IQCH: variants seen among roughly 807,000 people sequenced by gnomAD.
IQCH encodes the protein IQ motif containing H, also known as IQ domain-containing protein H.
A neutral mutation model predicts 117.0 loss-of-function variants in IQCH; 98 were observed. The ratio of observed to expected loss-of-function variants is 0.84; its 90% CI spans 0.71 to 0.99. The LOEUF (loss-of-function observed/expected upper bound fraction) is 0.99. IQCH is among the 50% of genes least tolerant of loss of function. IQCH has a pLI of 0.00. For missense variants in IQCH, 1,102 were observed against 1,243.8 expected, an observed-to-expected ratio of 0.89 and a Z score of 1.72; for synonymous variants, 412 against 448.2, an observed-to-expected ratio of 0.92 and a Z score of 1.02.
chr15:67,350,521 G>T (rs193222292), intron 6 of IQCH, among the ~76,000 whole-genome samples: 178 of 152,232 alleles, frequency 1.2e-3, no homozygotes, highest in African/African-American at 3.9e-3. Flanking sequence ...CCGCCTCCCA[G>T]GTTCAAGCAA....
In IQCH at chr15:67,501,607, A is replaced by G. The variant is rs1365139373; in HGVS notation, c.*861A>G. 3 of 152,224 alleles carry G rather than the reference A, an allele frequency of 2.0e-5. No homozygotes were observed. Among genetic ancestry groups the G allele is most frequent in the African/African-American group, 7.2e-5 (3 of 41,466 alleles). 9.4% of individuals were successfully genotyped at this position (152,224 alleles called of 1,614,324 possible). The stretch of plus-strand genomic sequence containing the variant: ...AAATATTTCCACATCAGTGAGCTTT[A>G]CTGAAGGGTGAAATAAAAGCAAATT... On this transcript the variant is annotated 3_prime_UTR_variant, in exon 21 of 21. Coordinates refer to ENST00000335894, the MANE Select transcript of IQCH (RefSeq NM_001031715.3). This position sits in a 1 kb window ranked among gnomAD's most constrained non-coding sequence, Gnocchi z 5.2.
chr15:67,421,638 C>T, intron 16 of IQCH, 61 bp downstream of exon 16: 1 of 1,527,208 alleles, frequency 6.5e-7, no homozygotes, highest in Non-Finnish European at 9.0e-7. Context: ...ACCCTACACA[C>T]CTACAGTACA....
Position 67,385,303 on chromosome 15 carries a change from G to A in IQCH, c.1456+284G>A, listed in dbSNP as rs545739589. Among the ~76,000 whole-genome samples, 2 of 152,158 alleles carry A rather than the reference G, an allele frequency of 1.3e-5. No homozygotes were observed. Among genetic ancestry groups the A allele is most frequent in the South Asian group, 2.1e-4 (1 of 4,824 alleles). ...GATCAGAATTTCTCTCCTATAAACC[G>A]AAATCTTTATTTACTGAATCTTACA... On this transcript the variant is annotated intron_variant, in intron 11 of 20. Transcript: ENST00000335894. This position sits in a 1 kb window ranked among gnomAD's most constrained non-coding sequence, Gnocchi z 4.6.
rs574910729 is a variant in IQCH, at chr15:67,478,796, C to T, written c.2799+2978C>T. Among the ~76,000 whole-genome samples, 19 of 151,878 alleles carry T rather than the reference C, an allele frequency of 1.3e-4. 1 individual carries two copies. In the South Asian group the frequency reaches 1.9e-3, roughly 15 times the overall value. On this transcript the variant is annotated intron_variant, in intron 18 of 20. Coordinates refer to ENST00000335894, the MANE Select transcript of IQCH (RefSeq NM_001031715.3). The stretch of plus-strand genomic sequence containing the variant: ...AAAATTAGCTGGGTGTGTTGGCAGG[C>T]GCCTGTAATCCTAGCTACTCGGGAG...
intron 4 of IQCH, chr15:67,281,611 TC>T (rs1966360466): frequency 9.0e-6 from 4 of 445,016 alleles, no homozygotes; most frequent in Non-Finnish European, 1.8e-5. Context: ...GGTATCAGAC[TC>T]AATCTCTCCC....
In IQCH at chr15:67,292,296, G is replaced by A. The variant is rs559642786; in HGVS notation, c.387+12784G>A. On this transcript the variant is annotated intron_variant, in intron 4 of 20. Transcript: ENST00000335894. ...GACAGGGTATTGCTCTGTTGCCCTGGCTAGAATGCAGTATACAATCATGGC... is the reference window on the plus strand; with the variant it reads ...GACAGGGTATTGCTCTGTTGCCCTGACTAGAATGCAGTATACAATCATGGC... Among the ~76,000 whole-genome samples the A allele has an allele frequency of 2.0e-5, 3 of 152,188 alleles. No individual in the cohort carries two copies. In the East Asian group the frequency reaches 5.8e-4, roughly 29 times the overall value.
Position 67,382,700 on chromosome 15 carries a change from C to T in IQCH, c.1373-2236C>T, listed in dbSNP as rs1031321243. On this transcript the variant is annotated intron_variant, in intron 10 of 20. Coordinates refer to ENST00000335894, the MANE Select transcript of IQCH (RefSeq NM_001031715.3). ...GGTTTATGTGACCTTGGACAAGAGA[C>T]AAGACACTTACCTTGAGTTTCCTTA... is the stretch of plus-strand genomic sequence containing the variant. 2.0e-5 allele frequency among the ~76,000 whole-genome samples: 3 copies of T among 152,208 alleles called. No homozygotes were observed. The South Asian group carries it at 6.2e-4, about 31-fold the overall frequency.
intron 4 of IQCH, among the ~76,000 whole-genome samples, chr15:67,333,890 CTACAAAAAA>C (rs1968778295): frequency 3.9e-5 from 6 of 151,976 alleles, no homozygotes; most frequent in Admixed American, 3.3e-4. Context: ...AACCCTGTCT[CTACAAAAAA>C]TACAAAAAAT....
intron 4 of IQCH, among the ~76,000 whole-genome samples, chr15:67,303,917 G>A (rs1004532201): frequency 1.3e-5 from 2 of 152,130 alleles, no homozygotes; most frequent in Non-Finnish European, 2.9e-5. Context: ...ACCTGTAAAT[G>A]TCCCTAGAGG....
chr15:67,306,846 G>T, intron 4 of IQCH: 10 of 1,533,712 alleles, frequency 6.5e-6, no homozygotes, highest in Non-Finnish European at 8.7e-6. Context: ...AAGGTATGTG[G>T]AAACAAGAAG....
rs1346752513 is a variant in IQCH, at chr15:67,436,199, G to A, written c.2505+14622G>A. 1.3e-5 allele frequency among the ~76,000 whole-genome samples: 2 copies of A among 152,038 alleles called. No individual in the cohort carries two copies. Among genetic ancestry groups the A allele is most frequent in the African/African-American group, 4.8e-5 (2 of 41,390 alleles). On this transcript the variant is annotated intron_variant, in intron 16 of 20. Transcript: ENST00000335894. The surrounding 1 kb of genome is among the most constrained non-coding windows in gnomAD (Gnocchi z 5.1). ...TTATCGAGACCCACTGAAGGAAGCC[G>A]ACTGCTCCTGCAGGACCCAGGAGAC...
intron 4 of IQCH, among the ~76,000 whole-genome samples, chr15:67,324,095 C>A (rs188489354): frequency 6.6e-6 from 1 of 151,478 alleles, no homozygotes; most frequent in Admixed American, 6.6e-5. Flanking sequence ...AGGTACCCAC[C>A]ACCAGGCCTG....
At chr15:67,378,494 A>C (rs750362774) in intron 10 of IQCH, among the ~76,000 whole-genome samples, 10 of 149,580 alleles carry the variant, frequency 6.7e-5, no homozygotes, top group Non-Finnish European at 1.2e-4. Context: ...AAGACTTCCC[A>C]GACAGCATTT....
In IQCH at chr15:67,376,055, G is replaced by A. The variant is rs1236333796; in HGVS notation, c.1372+2622G>A. 6.6e-6 allele frequency among the ~76,000 whole-genome samples: 1 copy of A among 152,034 alleles called. No individual in the cohort carries two copies. The highest frequency in any genetic ancestry group is 1.5e-5 in the Non-Finnish European group (1 of 67,992). On this transcript the variant is annotated intron_variant, in intron 10 of 20. Coordinates refer to ENST00000335894, the MANE Select transcript of IQCH (RefSeq NM_001031715.3). The surrounding 1 kb of genome is among the most constrained non-coding windows in gnomAD (Gnocchi z 5.0). ...ACCAGCCTCGGCCTCCCAAAGTGCT[G>A]GGATTATAGGTGTGAGCCACCGCAT...
intron 18 of IQCH, among the ~76,000 whole-genome samples, chr15:67,487,891 G>GGACA (rs1448506915): frequency 6.6e-6 from 1 of 151,792 alleles, no homozygotes; most frequent in Non-Finnish European, 1.5e-5. Flanking sequence ...TTCCACTGTT[G>GGACA]GACAACTCCA....
chr15:67,422,047 C>T lies in IQCH; in HGVS notation c.2505+470C>T, dbSNP rs533305943. ...CCGGGAGGCAGAGGTTGCAATGAGC[C>T]GAGATCATGCTACTACACTCCAGCC... On this transcript the variant is annotated intron_variant, in intron 16 of 20. Coordinates refer to ENST00000335894, the MANE Select transcript of IQCH (RefSeq NM_001031715.3). This position sits in a 1 kb window ranked among gnomAD's most constrained non-coding sequence, Gnocchi z 4.7. 1.4e-4 allele frequency among the ~76,000 whole-genome samples: 21 copies of T among 151,144 alleles called. No individual in the cohort carries two copies. Among genetic ancestry groups the T allele is most frequent in the Middle Eastern group, 3.4e-3 (1 of 294 alleles).
intron 14 of IQCH, among the ~76,000 whole-genome samples, chr15:67,409,196 G>T (rs1194421394): frequency 2.0e-5 from 3 of 152,124 alleles, no homozygotes; most frequent in African/African-American, 4.8e-5. Flanking sequence ...GACAGGGCTT[G>T]TCGGGGCTTT....
At chr15:67,367,699 GC>G (rs1333824825) in intron 8 of IQCH, among the ~76,000 whole-genome samples, 1 of 152,106 alleles carries the variant, frequency 6.6e-6, no homozygotes, top group Non-Finnish European at 1.5e-5. Flanking sequence ...TAGGCTGTGG[GC>G]ACTGGTGGTA....
intron 4 of IQCH, among the ~76,000 whole-genome samples, chr15:67,333,289 A>G (rs1968746968): frequency 6.6e-6 from 1 of 152,222 alleles, no homozygotes; most frequent in Non-Finnish European, 1.5e-5. Flanking sequence ...ACAAAACAAC[A>G]AATCTGAACA....
Sources: allele counts gnomAD v4.1 joint callset (sites outside exome capture counted in the v4.1 genomes callset), GRCh38; gene constraint gnomAD v4.1.1; non-coding constraint Gnocchi (gnomAD v3.1); transcripts MANE v1.5; gene names NCBI Gene and HGNC (gene_info 2026-07-23, HGNC 2026-07-21).